Variants in CSNK2A2IP observed in about 807,000 individuals in gnomAD.
CSNK2A2IP encodes casein kinase II subunit alpha'-interacting protein.
chr3:88,366,801 CTTGGTAAT>C, the CSNK2A2IP span, among the ~76,000 whole-genome samples: 4 of 152,064 alleles, frequency 2.6e-5, no homozygotes, highest in Non-Finnish European at 5.9e-5. Flanking sequence ...GTAACTGAGA[CTTGGTAAT>C]TTATAAAGAA....
chr3:88,351,796 G>T, the CSNK2A2IP span, among the ~76,000 whole-genome samples: 1 of 151,998 alleles, frequency 6.6e-6, no homozygotes, highest in Non-Finnish European at 1.5e-5. Flanking sequence ...TCAAATTTAT[G>T]TTGAAACTTT....
the CSNK2A2IP span, among the ~76,000 whole-genome samples, chr3:88,363,493 G>A: frequency 9.4e-3 from 1,429 of 152,114 alleles, 11 homozygotes; most frequent in Admixed American, 0.014. Flanking sequence ...ATAATTAATT[G>A]TGTTATTTTG....
chr3:88,467,552 G>T, the CSNK2A2IP span: 4 of 398,308 alleles, frequency 1.0e-5, no homozygotes, highest in African/African-American at 8.2e-5. Flanking sequence ...AAATTTTTCC[G>T]GACAAAATGA....
chr3:88,387,555 G>C, the CSNK2A2IP span, among the ~76,000 whole-genome samples: 1 of 152,042 alleles, frequency 6.6e-6, no homozygotes, highest in African/African-American at 2.4e-5. Flanking sequence ...TTTTATGGTA[G>C]TGTGTTACAA....
chr3:88,400,112 A>G, the CSNK2A2IP span, among the ~76,000 whole-genome samples: 1 of 152,180 alleles, frequency 6.6e-6, no homozygotes, highest in African/African-American at 2.4e-5. Flanking sequence ...GGCAAGGTAA[A>G]TAAATACTAG....
chr3:88,405,915 A>C, the CSNK2A2IP span, among the ~76,000 whole-genome samples: 22 of 152,258 alleles, frequency 1.4e-4, no homozygotes, highest in African/African-American at 5.3e-4. Flanking sequence ...TTTGCCATGT[A>C]CTAGCCTTGT....
the CSNK2A2IP span, among the ~76,000 whole-genome samples, chr3:88,359,624 A>G: frequency 2.0e-5 from 3 of 152,152 alleles, no homozygotes; most frequent in East Asian, 3.8e-4. Flanking sequence ...TAAAGACCCA[A>G]TGGTCATTCA....
At chr3:88,458,300 G>A in the CSNK2A2IP span, among the ~76,000 whole-genome samples, 23 of 151,842 alleles carry the variant, frequency 1.5e-4, no homozygotes, top group Non-Finnish European at 2.5e-4. Context: ...ACAGGCATGC[G>A]CCACCACGCC....
chr3:88,373,608 A>G, the CSNK2A2IP span, among the ~76,000 whole-genome samples: 10 of 150,924 alleles, frequency 6.6e-5, no homozygotes, highest in African/African-American at 2.4e-4. Flanking sequence ...GAAAGTAAAA[A>G]AAAAAAAAAG....
At chr3:88,378,499 T>C in the CSNK2A2IP span, among the ~76,000 whole-genome samples, 106 of 152,042 alleles carry the variant, frequency 7.0e-4, no homozygotes, top group Middle Eastern at 3.4e-3. Flanking sequence ...TGGCCACATG[T>C]GGTTATTGAG....
chr3:88,419,597 T>C, the CSNK2A2IP span, among the ~76,000 whole-genome samples: 1 of 152,178 alleles, frequency 6.6e-6, no homozygotes, highest in African/African-American at 2.4e-5. Flanking sequence ...GGCAGAATGG[T>C]TTATATTTCT....
the CSNK2A2IP span, among the ~76,000 whole-genome samples, chr3:88,435,700 A>T: frequency 6.6e-6 from 1 of 152,120 alleles, no homozygotes; most frequent in African/African-American, 2.4e-5. Context: ...GTACAACATG[A>T]ACACAGCTTA....
At chr3:88,431,768 G>A in the CSNK2A2IP span, among the ~76,000 whole-genome samples, 1 of 152,030 alleles carries the variant, frequency 6.6e-6, no homozygotes, top group Non-Finnish European at 1.5e-5. Flanking sequence ...AAACTAATTT[G>A]AACTTCTGGA....
the CSNK2A2IP span, among the ~76,000 whole-genome samples, chr3:88,359,462 G>GT: frequency 0.026 from 3,878 of 150,698 alleles, 106 homozygotes; most frequent in East Asian, 0.075. Flanking sequence ...TCATTTGGTT[G>GT]TTTTTTTTGA....
At chr3:88,368,272 A>G in the CSNK2A2IP span, among the ~76,000 whole-genome samples, 2 of 151,966 alleles carry the variant, frequency 1.3e-5, no homozygotes, top group Admixed American at 6.6e-5. Flanking sequence ...ATTTGCCTTC[A>G]AGCAGGTGAC....
chr3:88,452,779 G>T, the CSNK2A2IP span, among the ~76,000 whole-genome samples: 1 of 151,956 alleles, frequency 6.6e-6, no homozygotes, highest in Non-Finnish European at 1.5e-5. Flanking sequence ...GAATAAAAAA[G>T]GCACATAGCT....
chr3:88,378,516 A>C, the CSNK2A2IP span, among the ~76,000 whole-genome samples: 1 of 151,976 alleles, frequency 6.6e-6, no homozygotes, highest in Admixed American at 6.6e-5. Context: ...TGAGCACTTG[A>C]AATCTGGCTA....
At chr3:88,375,110 C>A in the CSNK2A2IP span, among the ~76,000 whole-genome samples, 1 of 151,876 alleles carries the variant, frequency 6.6e-6, no homozygotes, top group Admixed American at 6.6e-5. Context: ...AGAAGGATCT[C>A]ATTTGTGATA....
the CSNK2A2IP span, among the ~76,000 whole-genome samples, chr3:88,443,210 A>G: frequency 6.6e-6 from 1 of 152,150 alleles, no homozygotes; most frequent in Admixed American, 6.5e-5. Flanking sequence ...CAGTACAAGG[A>G]AGTTTGTAAA....
Sources: allele counts gnomAD v4.1 joint callset (sites outside exome capture counted in the v4.1 genomes callset), GRCh38; gene constraint gnomAD v4.1.1; transcripts MANE v1.5; gene names NCBI Gene and HGNC (gene_info 2026-07-23, HGNC 2026-07-21).